CNTNAP5: variants seen among roughly 807,000 people sequenced by gnomAD.
CNTNAP5 encodes contactin associated protein family member 5, also known as contactin-associated protein-like 5.
CNTNAP5 carries 72 observed loss-of-function variants against 150.2 expected under a neutral mutation model. The observed-to-expected ratio is 0.48, with a 90% CI of 0.40 to 0.58. The LOEUF (loss-of-function observed/expected upper bound fraction) is 0.58, where lower values mean the gene tolerates loss of function less well. Ranked by LOEUF, CNTNAP5 falls within the 20% of genes least tolerant of loss-of-function variation. CNTNAP5 has a pLI of 0.00. For synonymous variants in CNTNAP5, 672 were observed against 619.8 expected, an observed-to-expected ratio of 1.08 and a Z score of -1.25; for missense variants, 1,636 against 1,626.2, an observed-to-expected ratio of 1.01 and a Z score of -0.10.
intron 8 of CNTNAP5, among the ~76,000 whole-genome samples, chr2:124,518,993 G>A (rs1275574883): frequency 2.0e-4 from 9 of 44,156 alleles, no homozygotes; most frequent in African/African-American, 5.3e-4. Flanking sequence ...AGCCTGGGCC[G>A]CAAAAAAAAA....
intron 19 of CNTNAP5, among the ~76,000 whole-genome samples, chr2:124,809,410 A>ATTTC (rs1682156318): frequency 1.3e-5 from 2 of 150,982 alleles, no homozygotes; most frequent in Non-Finnish European, 2.9e-5. Flanking sequence ...TTATTTATTT[A>ATTTC]TTTATTTATT....
chr2:124,527,761 A>G (rs1442476165), intron 10 of CNTNAP5, among the ~76,000 whole-genome samples: 3 of 152,228 alleles, frequency 2.0e-5, no homozygotes, highest in African/African-American at 7.2e-5. Context: ...AGTTAAAGCA[A>G]AAAGGAGGAA....
At chr2:124,320,566 A>G (rs1342966479) in intron 3 of CNTNAP5, among the ~76,000 whole-genome samples, 1 of 152,168 alleles carries the variant, frequency 6.6e-6, no homozygotes, top group Non-Finnish European at 1.5e-5. Flanking sequence ...CATGCTCTAA[A>G]ATTACGCTGT....
At chr2:124,538,948 C>A (rs1340815906) in intron 10 of CNTNAP5, among the ~76,000 whole-genome samples, 1 of 152,194 alleles carries the variant, frequency 6.6e-6, no homozygotes, top group Non-Finnish European at 1.5e-5. Flanking sequence ...GCACTGCCTT[C>A]TGCACAGCCA....
intron 6 of CNTNAP5, among the ~76,000 whole-genome samples, chr2:124,454,638 AGG>A (rs1320261547): frequency 2.0e-5 from 3 of 152,182 alleles, no homozygotes; most frequent in Non-Finnish European, 4.4e-5. Context: ...AGGATATGGT[AGG>A]CCACAAAATG....
intron 19 of CNTNAP5, among the ~76,000 whole-genome samples, chr2:124,818,745 G>T (rs1400885171): frequency 3.3e-5 from 5 of 151,966 alleles, no homozygotes; most frequent in Non-Finnish European, 7.4e-5. Context: ...TCTCCATAGG[G>T]CACCCAGAGC....
At chr2:124,084,238 T>A (rs1313505213) in intron 1 of CNTNAP5, among the ~76,000 whole-genome samples, 1 of 152,076 alleles carries the variant, frequency 6.6e-6, no homozygotes, top group East Asian at 1.9e-4. Context: ...CTTTTTGATC[T>A]CATTTATTAA....
intron 12 of CNTNAP5, among the ~76,000 whole-genome samples, chr2:124,636,495 A>AT (rs1419665728): frequency 3.9e-5 from 6 of 152,314 alleles, no homozygotes; most frequent in Admixed American, 2.6e-4. Flanking sequence ...ACTCATGAAA[A>AT]TTAATTCAAC....
intron 3 of CNTNAP5, among the ~76,000 whole-genome samples, chr2:124,259,475 C>A (rs1194522778): frequency 9.2e-5 from 14 of 152,172 alleles, no homozygotes; most frequent in Non-Finnish European, 2.1e-4. Context: ...GTCCCACCAA[C>A]AGTGTAAAAG....
chr2:124,244,173 G>C (rs1390036436), intron 3 of CNTNAP5, among the ~76,000 whole-genome samples: 1 of 152,044 alleles, frequency 6.6e-6, no homozygotes, highest in East Asian at 1.9e-4. Context: ...TATTTCGAGG[G>C]ATGACAATTC....
At chr2:124,308,402 G>A (rs996902922) in intron 3 of CNTNAP5, among the ~76,000 whole-genome samples, 1 of 151,932 alleles carries the variant, frequency 6.6e-6, no homozygotes, top group South Asian at 2.1e-4. Context: ...CTTTTCCTTT[G>A]GCACAATCAG....
chr2:124,088,876 C>T (rs945021061), intron 1 of CNTNAP5, among the ~76,000 whole-genome samples: 7 of 152,122 alleles, frequency 4.6e-5, no homozygotes, highest in South Asian at 2.1e-4. Flanking sequence ...GTTCACCACT[C>T]GGCCTTTGCA....
At chr2:124,331,978 CATAA>C (rs529686469) in intron 3 of CNTNAP5, among the ~76,000 whole-genome samples, 250 of 151,956 alleles carry the variant, frequency 1.6e-3, no homozygotes, top group African/African-American at 3.3e-3. Flanking sequence ...AAGAAAAGTT[CATAA>C]ATAATTTCCT....
chr2:124,061,860 G>C (rs1364071068), intron 1 of CNTNAP5, among the ~76,000 whole-genome samples: 1 of 152,150 alleles, frequency 6.6e-6, no homozygotes, highest in Non-Finnish European at 1.5e-5. Context: ...CTATTGTCCT[G>C]GATGGAGGGA....
intron 2 of CNTNAP5, among the ~76,000 whole-genome samples, chr2:124,233,885 A>G (rs1056769739): frequency 1.3e-5 from 2 of 151,984 alleles, no homozygotes; most frequent in Admixed American, 6.6e-5. Flanking sequence ...GTCACAAGGT[A>G]GAAAGTGACC....
At position 124,647,947 on chromosome 2, in the gene CNTNAP5, T is replaced by C; in HGVS notation, c.2066T>C (p.Leu689Pro). The stretch of plus-strand genomic sequence containing the variant: ...TACCACTGCAGGAGGTCCCGCCTGC[T>C]CAACACGCCGGGTAAGGCCTCTGCA... The part of the protein sequence containing the change: ...VAYHCRRSRL[L>P]NTPDGTPFTW... The change falls in exon 13 of 24, where the codon CTC becomes CCC. Residue 689 changes from leucine to proline, a missense_variant. Leu to Pro is a moderately conservative substitution (Grantham distance 98). Coordinates refer to ENST00000682447, the MANE Select transcript of CNTNAP5 (RefSeq NM_001367498.1). The C allele has an allele frequency of 6.2e-7, 1 of 1,600,010 alleles. No individual in the cohort carries two copies. Among genetic ancestry groups the C allele is most frequent in the South Asian group, 1.1e-5 (1 of 88,810 alleles).
intron 1 of CNTNAP5, among the ~76,000 whole-genome samples, chr2:124,174,928 T>C (rs901067408): frequency 6.6e-6 from 1 of 152,172 alleles, no homozygotes; most frequent in African/African-American, 2.4e-5. Context: ...CCAACAACAC[T>C]GAGGCAAGAC....
intron 13 of CNTNAP5, among the ~76,000 whole-genome samples, chr2:124,666,807 C>G (rs1203876681): frequency 6.6e-6 from 1 of 152,122 alleles, no homozygotes; most frequent in East Asian, 1.9e-4. Flanking sequence ...TTTGAGCCAT[C>G]CTGCAGGGAG....
Position 124,446,901 on chromosome 2 carries a change from C to G in CNTNAP5, c.882C>G (p.Thr294=), listed in dbSNP as rs367588556. The G allele has an allele frequency of 1.9e-6, 3 of 1,613,742 alleles. No homozygotes were observed. The highest frequency in any genetic ancestry group is 2.5e-6 in the Non-Finnish European group (3 of 1,179,820). The part of the protein sequence containing the change: ...TVDKHTQHFR[T]KGETDALDID... ...ACAAGCACACACAGCACTTCCGCACCAAGGGCGAGACGGATGCCTTAGACA... is the reference window on the plus strand; with the variant it reads ...ACAAGCACACACAGCACTTCCGCACGAAGGGCGAGACGGATGCCTTAGACA... Residue 294 remains threonine, a synonymous_variant, in exon 6 of 24, where the codon ACC becomes ACG. Transcript: ENST00000682447.
Sources: gnomAD v4.1 joint callset for allele counts (sites outside exome capture counted in the v4.1 genomes callset) on GRCh38, gnomAD v4.1.1 for gene constraint, MANE v1.5 for transcripts, NCBI Gene and HGNC (gene_info 2026-07-23, HGNC 2026-07-21) for gene names.